Variants in SAMD12 observed in about 807,000 individuals in gnomAD.
The protein encoded by SAMD12 is sterile alpha motif domain containing 12.
SAMD12 carries 9 observed loss-of-function variants against 15.0 expected under a neutral mutation model. The observed-to-expected ratio is 0.60, with a 90% CI of 0.36 to 1.05. The LOEUF (loss-of-function observed/expected upper bound fraction) is 1.05, where lower values mean the gene tolerates loss of function less well. Among genes scored for constraint, SAMD12 ranks in the 50% least tolerant of loss-of-function variants. The pLI is 0.01. For synonymous variants in SAMD12, 86 were observed against 90.1 expected, an observed-to-expected ratio of 0.96 and a Z score of 0.25; for missense variants, 230 against 234.2, an observed-to-expected ratio of 0.98 and a Z score of 0.12.
chr8:118,242,776 G>A (rs558082607), intron 4 of SAMD12, among the ~76,000 whole-genome samples: 1 of 152,242 alleles, frequency 6.6e-6, no homozygotes, highest in African/African-American at 2.4e-5. Flanking sequence ...CTCAAAATGA[G>A]AAATGTAACT....
intron 4 of SAMD12, among the ~76,000 whole-genome samples, chr8:118,281,273 C>A (rs1813635914): frequency 6.6e-6 from 1 of 152,108 alleles, no homozygotes; most frequent in Non-Finnish European, 1.5e-5. Flanking sequence ...AACTGAGATG[C>A]CATGAAGTCC....
At chr8:118,361,797 G>A (rs2130640637) in intron 4 of SAMD12, among the ~76,000 whole-genome samples, 1 of 152,162 alleles carries the variant, frequency 6.6e-6, no homozygotes, top group South Asian at 2.1e-4. Flanking sequence ...ACTTATACAG[G>A]GTGGAGCAAT....
chr8:118,505,504 T>C (rs1236600510), intron 2 of SAMD12, among the ~76,000 whole-genome samples: 2 of 152,072 alleles, frequency 1.3e-5, no homozygotes, highest in African/African-American at 2.4e-5. Flanking sequence ...CTTCTGAAAG[T>C]CACCTTTGGC....
intron 1 of SAMD12, among the ~76,000 whole-genome samples, chr8:118,595,261 T>A (rs1434921878): frequency 6.6e-6 from 1 of 152,218 alleles, no homozygotes; most frequent in Non-Finnish European, 1.5e-5. Flanking sequence ...GGGAAGGATT[T>A]ATATTCCTAC....
exon 5 of SAMD12, chr8:118,191,242 A>C (rs1212514871): frequency 1.3e-5 from 2 of 152,140 alleles, no homozygotes; most frequent in African/African-American, 4.8e-5. Flanking sequence ...TTTACTAGTT[A>C]AACCATGGTC....
intron 2 of SAMD12, among the ~76,000 whole-genome samples, chr8:118,534,040 A>C (rs1469703889): frequency 2.0e-5 from 3 of 152,118 alleles, no homozygotes; most frequent in African/African-American, 7.2e-5. Flanking sequence ...CCTAGCTTCG[A>C]TGGTCTTTAC....
chr8:118,392,207 T>C (rs1055240530), intron 3 of SAMD12, among the ~76,000 whole-genome samples: 2 of 152,162 alleles, frequency 1.3e-5, no homozygotes, highest in African/African-American at 2.4e-5. Flanking sequence ...GGCAGGCGGA[T>C]CACGAGGTCA....
chr8:118,334,029 C>T (rs961401045), intron 4 of SAMD12, among the ~76,000 whole-genome samples: 2 of 151,976 alleles, frequency 1.3e-5, no homozygotes, highest in African/African-American at 2.4e-5. Context: ...AGTGCCCATC[C>T]TGCAAACCAA....
intron 3 of SAMD12, among the ~76,000 whole-genome samples, chr8:118,424,085 C>T (rs1822139534): frequency 6.6e-6 from 1 of 151,970 alleles, no homozygotes; most frequent in African/African-American, 2.4e-5. Context: ...ACACACTGGG[C>T]AAGGCAAAAT....
intron 3 of SAMD12, among the ~76,000 whole-genome samples, chr8:118,413,107 T>C (rs1292631122): frequency 6.6e-6 from 1 of 151,400 alleles, no homozygotes; most frequent in East Asian, 1.9e-4. Flanking sequence ...GAGTCTGTCC[T>C]ACATAAGTCA....
In SAMD12 at chr8:118,385,627, G is replaced by A. The variant is rs187687891; in HGVS notation, c.323-5927C>T. ...ATACCCTCTTGGTTTTGTTTCTCTG[G>A]AGAACACTAACATGCTGGGGGTGTC... On this transcript the variant is annotated intron_variant, in intron 3 of 3. Transcript: ENST00000314727. Among the ~76,000 whole-genome samples, 14 of 152,056 alleles carry A rather than the reference G, an allele frequency of 9.2e-5. No homozygotes were observed. The South Asian group carries it at 1.2e-3, about 14-fold the overall frequency.
At chr8:118,428,891 G>C (rs1822316010) in intron 3 of SAMD12, among the ~76,000 whole-genome samples, 1 of 151,972 alleles carries the variant, frequency 6.6e-6, no homozygotes, top group South Asian at 2.1e-4. Flanking sequence ...TCAAAAGTTT[G>C]TTCTTTTTCT....
intron 2 of SAMD12, among the ~76,000 whole-genome samples, chr8:118,476,230 C>A (rs77548145): frequency 0.022 from 3,367 of 152,246 alleles, 118 homozygotes; most frequent in African/African-American, 0.077. Context: ...CTTAGCTGCA[C>A]GTTGCAGGTG....
chr8:118,356,244 G>A (rs1046657590), intron 4 of SAMD12, among the ~76,000 whole-genome samples: 6 of 152,148 alleles, frequency 3.9e-5, no homozygotes, highest in Non-Finnish European at 7.4e-5. Context: ...GTGAGGGACA[G>A]TGCTGGGAGG....
intron 4 of SAMD12, among the ~76,000 whole-genome samples, chr8:118,275,607 T>C (rs1032354408): frequency 2.0e-5 from 3 of 152,340 alleles, no homozygotes; most frequent in East Asian, 3.9e-4. Context: ...GTTTGTTACA[T>C]AGGTGTATTA....
intron 1 of SAMD12, among the ~76,000 whole-genome samples, chr8:118,590,918 T>C (rs1296765523): frequency 6.6e-6 from 1 of 152,078 alleles, no homozygotes; most frequent in Admixed American, 6.5e-5. Context: ...TTCCAAGAAC[T>C]AAAGTCTCTG....
intron 4 of SAMD12, among the ~76,000 whole-genome samples, chr8:118,332,343 C>T (rs1045948980): frequency 1.3e-5 from 2 of 152,194 alleles, no homozygotes; most frequent in African/African-American, 4.8e-5. Flanking sequence ...TTCTCCTTCA[C>T]TCATATGAAT....
chr8:118,155,463 T>G, the SAMD12 span, among the ~76,000 whole-genome samples: 1 of 152,220 alleles, frequency 6.6e-6, no homozygotes, highest in Non-Finnish European at 1.5e-5. Flanking sequence ...GAGATCATAT[T>G]GTATCCAGTG....
At chr8:118,169,788 T>G in the SAMD12 span, among the ~76,000 whole-genome samples, 7 of 152,330 alleles carry the variant, frequency 4.6e-5, no homozygotes, top group South Asian at 2.1e-4. Flanking sequence ...AAGTGCTACC[T>G]CCAGGAGTCA....
Sources: allele counts gnomAD v4.1 joint callset (sites outside exome capture counted in the v4.1 genomes callset), GRCh38; gene constraint gnomAD v4.1.1; transcripts MANE v1.5; gene names NCBI Gene and HGNC (gene_info 2026-07-23, HGNC 2026-07-21).